Variants in ELMO1 observed in about 807,000 individuals in gnomAD.
ELMO1 encodes the protein engulfment and cell motility 1.
In ELMO1, 26 loss-of-function variants were observed where a neutral mutation model predicts 98.9. The ratio of observed to expected loss-of-function variants is 0.26; its 90% confidence interval spans 0.19 to 0.36. The LOEUF is 0.36. ELMO1 is among the 10% of genes least tolerant of loss of function. The pLI is 1.00. For missense variants in ELMO1, 627 were observed against 935.2 expected, an observed-to-expected ratio of 0.67 and a Z score of 4.30; for synonymous variants, 346 against 346.0, an observed-to-expected ratio of 1.00 and a Z score of 0.00.
At chr7:36,990,924 C>G (rs1322920215) in intron 16 of ELMO1, among the ~76,000 whole-genome samples, 1 of 152,076 alleles carries the variant, frequency 6.6e-6, no homozygotes. Flanking sequence ...CTTTAAAAGG[C>G]AGATGAAGGG....
At chr7:37,263,166 G>A (rs975652063) in intron 5 of ELMO1, among the ~76,000 whole-genome samples, 2 of 151,854 alleles carry the variant, frequency 1.3e-5, no homozygotes, top group African/African-American at 4.8e-5. Flanking sequence ...AAAAAAGTGG[G>A]AATCAAAGTT....
At chr7:37,047,480 T>C (rs566627197) in intron 15 of ELMO1, among the ~76,000 whole-genome samples, 3 of 152,368 alleles carry the variant, frequency 2.0e-5, no homozygotes, top group African/African-American at 7.2e-5. Flanking sequence ...GGAGGACTAA[T>C]GCCCAGCAGG....
At chr7:37,079,593 C>A (rs73346393) in intron 15 of ELMO1, among the ~76,000 whole-genome samples, 3 of 152,032 alleles carry the variant, frequency 2.0e-5, no homozygotes, top group Admixed American at 2.0e-4. Context: ...TCTCCTCCCC[C>A]ACTCCGGTGA....
At chr7:36,997,614 T>C (rs1374108387) in intron 16 of ELMO1, among the ~76,000 whole-genome samples, 1 of 152,082 alleles carries the variant, frequency 6.6e-6, no homozygotes, top group Admixed American at 6.5e-5. Context: ...GCCATGAGAA[T>C]GGAGAGTTTA....
chr7:37,126,144 A>G (rs992203304), intron 14 of ELMO1, among the ~76,000 whole-genome samples: 3 of 150,718 alleles, frequency 2.0e-5, no homozygotes, highest in Non-Finnish European at 4.4e-5. Context: ...CTGGGGCCTG[A>G]TGTGGGGTGG....
chr7:36,899,758 A>G (rs1806352209), intron 16 of ELMO1, among the ~76,000 whole-genome samples: 1 of 145,680 alleles, frequency 6.9e-6, no homozygotes, highest in Admixed American at 7.1e-5. Context: ...TAAATTGGAT[A>G]ATGCCCCACA....
intron 15 of ELMO1, among the ~76,000 whole-genome samples, chr7:37,021,330 A>G (rs1383854223): frequency 1.3e-5 from 2 of 152,228 alleles, no homozygotes; most frequent in Non-Finnish European, 2.9e-5. Context: ...AACTCTGGAT[A>G]GTCTTTTGTA....
intron 1 of ELMO1, among the ~76,000 whole-genome samples, chr7:37,374,399 A>G (rs1360298613): frequency 1.3e-5 from 2 of 152,200 alleles, no homozygotes; most frequent in African/African-American, 2.4e-5. Flanking sequence ...TATATATGCT[A>G]TAACCAATGC....
intron 16 of ELMO1, among the ~76,000 whole-genome samples, chr7:36,941,249 G>GATTTGCTTTTTATATAGTGTTTGGT (rs1787006176): frequency 1.3e-5 from 2 of 152,250 alleles, no homozygotes; most frequent in Non-Finnish European, 2.9e-5. Flanking sequence ...AGAAGTCACA[G>GATTTGCTTTTTATATAGTGTTTGGT]ATTTGCTTTT....
intron 1 of ELMO1, among the ~76,000 whole-genome samples, chr7:37,348,253 G>A (rs1008428532): frequency 6.6e-6 from 1 of 152,174 alleles, no homozygotes; most frequent in Non-Finnish European, 1.5e-5. Flanking sequence ...AAGAAGTTGT[G>A]TAGACAGCCG....
intron 14 of ELMO1, among the ~76,000 whole-genome samples, chr7:37,104,990 TA>T (rs1159595578): frequency 6.6e-6 from 1 of 152,054 alleles, no homozygotes; most frequent in Non-Finnish European, 1.5e-5. Flanking sequence ...TACAGAGGCA[TA>T]ATAAAGGCCA....
chr7:37,150,278 T>A (rs1014948956), intron 13 of ELMO1, among the ~76,000 whole-genome samples: 1 of 1,678 alleles, frequency 6.0e-4, no homozygotes, highest in South Asian at 0.056. Flanking sequence ...TGCGGAATTC[T>A]TTTTTTTTTT....
At position 37,096,725 on chromosome 7, in the gene ELMO1, A is replaced by T; in HGVS notation, c.1194T>A (p.Ile398=). The T allele has an allele frequency of 6.2e-7, 1 of 1,613,748 alleles. No homozygotes were observed. The highest frequency in any genetic ancestry group is 8.5e-7 in the Non-Finnish European group (1 of 1,179,622). ...CTTCTCGACTACTGTTCTCAAGCAC[A>T]ATCTGTAATGGGAAAGGGAACAGAT... ...AKHHQDAYIR[I]VLENSSREDK... The change falls in exon 15 of 22, where the codon ATT becomes ATA. Residue 398 remains isoleucine (I), a splice_region_variant and synonymous_variant. Coordinates refer to ENST00000310758, the MANE Select transcript of ELMO1 (RefSeq NM_014800.11).
At chr7:37,298,150 G>A (rs577912802) in intron 4 of ELMO1, among the ~76,000 whole-genome samples, 2 of 152,196 alleles carry the variant, frequency 1.3e-5, no homozygotes, top group African/African-American at 4.8e-5. Context: ...AATCAGTAAA[G>A]TGGTACCTCA....
chr7:37,434,535 T>C (rs565853153), intron 1 of ELMO1, among the ~76,000 whole-genome samples: 3 of 152,378 alleles, frequency 2.0e-5, no homozygotes, highest in African/African-American at 7.2e-5. Flanking sequence ...AGTCACATTG[T>C]GACCAATTTT....
chr7:36,902,301 G>A (rs567939918), intron 16 of ELMO1, among the ~76,000 whole-genome samples: 1 of 152,336 alleles, frequency 6.6e-6, no homozygotes, highest in African/African-American at 2.4e-5. Flanking sequence ...AGTAACAAGA[G>A]AACTCAGCAA....
chr7:36,975,307 TAAAAA>T (rs1266135522), intron 16 of ELMO1, among the ~76,000 whole-genome samples: 1 of 151,470 alleles, frequency 6.6e-6, no homozygotes, highest in Non-Finnish European at 1.5e-5. Context: ...CTGTCTCTAT[TAAAAA>T]AATACAAATA....
At chr7:37,175,395 T>C (rs1790445859) in intron 13 of ELMO1, among the ~76,000 whole-genome samples, 1 of 152,192 alleles carries the variant, frequency 6.6e-6, no homozygotes, top group South Asian at 2.1e-4. Flanking sequence ...ACAGAAAGTA[T>C]TGTCAGGCTG....
In ELMO1 at chr7:37,179,573, G is replaced by A. The variant is rs188661930; in HGVS notation, c.1086+31813C>T. Among the ~76,000 whole-genome samples the A allele has an allele frequency of 5.6e-4, 85 of 152,110 alleles. No individual in the cohort carries two copies. In the East Asian group the frequency reaches 0.014, roughly 26 times the overall value. On this transcript the variant is annotated intron_variant, in intron 13 of 21. Coordinates refer to ENST00000310758, the MANE Select transcript of ELMO1 (RefSeq NM_014800.11). ...ATTACAGGCGTGAGCCACCGAGCCC[G>A]GCCTTGCATATAGCTCTTTCAACTT...
Sources: allele counts gnomAD v4.1 joint callset (sites outside exome capture counted in the v4.1 genomes callset), GRCh38; gene constraint gnomAD v4.1.1; transcripts MANE v1.5; gene names NCBI Gene and HGNC (gene_info 2026-07-23, HGNC 2026-07-21).